FANCM: variants seen among roughly 807,000 people sequenced by gnomAD.
The protein encoded by FANCM is FA complementation group M.
Under a neutral mutation model 199.5 loss-of-function variants are expected in FANCM, and 140 were observed. The observed-to-expected ratio is 0.70, with a 90% CI of 0.61 to 0.81. FANCM has a LOEUF of 0.81. FANCM is among the 30% of genes least tolerant of loss of function. The pLI is 0.00. For synonymous variants in FANCM, 840 were observed against 836.8 expected, an observed-to-expected ratio of 1.00 and a Z score of -0.07; for missense variants, 2,410 against 2,421.4, an observed-to-expected ratio of 1.00 and a Z score of 0.10.
intron 11 of FANCM, among the ~76,000 whole-genome samples, chr14:45,168,784 TTA>T (rs1888146265): frequency 6.8e-6 from 1 of 147,906 alleles, no homozygotes; most frequent in Admixed American, 6.8e-5. Flanking sequence ...AGTATATATT[TTA>T]TATATATTAA....
intron 9 of FANCM, among the ~76,000 whole-genome samples, chr14:45,163,127 C>G (rs1887722927): frequency 6.6e-6 from 1 of 152,208 alleles, no homozygotes; most frequent in Non-Finnish European, 1.5e-5. Context: ...CACAATACAA[C>G]TAGCTTACAG....
Position 45,164,434 on chromosome 14 carries a change from G to C in FANCM, c.1657G>C (p.Gly553Arg). The C allele has an allele frequency of 1.2e-6, 2 of 1,613,564 alleles. No individual in the cohort carries two copies. Among genetic ancestry groups the C allele is most frequent in the Non-Finnish European group, 1.7e-6 (2 of 1,179,956 alleles). ...TCVGEEGLDI[G>R]EVDLIICFDS... is the part of the protein sequence containing the mutation. ...TGTGGGTGAAGAAGGTTTGGATATA[G>C]GAGAAGTTGATCTTATAATATGTTT... The change falls in exon 10 of 23, where the codon GGA becomes CGA. Residue 553 changes from glycine to arginine, a missense_variant. Coordinates refer to ENST00000267430, the MANE Select transcript of FANCM (RefSeq NM_020937.4).
At chr14:45,140,754 CT>C in intron 3 of FANCM, 45 bp downstream of exon 3, 5 of 1,272,592 alleles carry the variant, frequency 3.9e-6, no homozygotes, top group Non-Finnish European at 2.3e-6. Context: ...GAAAATAAAG[CT>C]TTTGGCCAGG....
In FANCM at chr14:45,159,080, T is replaced by A. The variant is rs752547104; in HGVS notation, c.1397-16T>A. 83 of 1,440,730 alleles carry A rather than the reference T, an allele frequency of 5.8e-5. No homozygotes were observed. The highest frequency in any genetic ancestry group is 4.3e-4 in the Middle Eastern group (2 of 4,646). 89.2% of individuals were successfully genotyped at this position (1,440,730 alleles called of 1,614,324 possible). A position where few individuals can be genotyped will look rare whatever the true frequency, so the allele number is the denominator to read the frequency against. ...TTGTAAAAAGTTGTAATTAAAGTTT[T>A]TATATATATATATAGCTGAAAACAC... On this transcript the variant is annotated splice_polypyrimidine_tract_variant and intron_variant, in intron 8 of 22. Transcript: ENST00000267430.
At chr14:45,159,334 T>C in intron 9 of FANCM, 54 bp downstream of exon 9, 1 of 1,363,260 alleles carries the variant, frequency 7.3e-7, no homozygotes, top group Non-Finnish European at 1.0e-6. Flanking sequence ...AGCTTTGCAC[T>C]TGTTCTTTTT....
Position 45,176,826 on chromosome 14 carries a change from C to G in FANCM, c.4072C>G (p.Leu1358Val). The change falls in exon 14 of 23, where the codon CTT becomes GTT. Residue 1358 changes from leucine (L) to valine (V), a missense_variant. Transcript: ENST00000267430. The stretch of plus-strand genomic sequence containing the variant: ...ATTTTCTAAGATAAGAAAGGAAATA[C>G]TTAAGACACCAGATTCTAGTAAGGA... ...NSFSKIRKEILKTPDSSKEKV... is the reference protein window; with the variant it reads ...NSFSKIRKEIVKTPDSSKEKV... 6.2e-7 allele frequency: 1 copy of G among 1,607,928 alleles called. No homozygotes were observed. The highest frequency in any genetic ancestry group is 1.7e-5 in the Admixed American group (1 of 59,352).
chr14:45,154,574 G>T (rs921021421), intron 6 of FANCM, 123 bp from the exon 7 acceptor site: 34 of 671,154 alleles, frequency 5.1e-5, no homozygotes, highest in Non-Finnish European at 7.6e-5. Context: ...AAAAGTTTCT[G>T]GTTTTCATGT....
rs776804525 is a variant in FANCM, at chr14:45,159,138, T to C, written c.1439T>C (p.Met480Thr). Residue 480 changes from methionine (M) to threonine (T), a missense_variant, in exon 9 of 23, where the codon ATG becomes ACG. Physicochemically the swap from Met to Thr is moderately conservative, Grantham distance 81. Transcript: ENST00000267430. Reference sequence around the variant, plus strand: ...AAGAAACGTGATGAGACCCGAGTTATGATCTTCTCTTCATTTCGAGATAGT... The same window carrying C: ...AAGAAACGTGATGAGACCCGAGTTACGATCTTCTCTTCATTTCGAGATAGT... ...TEKKRDETRV[M>T]IFSSFRDSVQ... The C allele has an allele frequency of 2.5e-6, 4 of 1,612,740 alleles. No homozygotes were observed. In the South Asian group the frequency reaches 3.3e-5, roughly 13 times the overall value.
At chr14:45,197,294 G>T (rs6572296) in intron 21 of FANCM, among the ~76,000 whole-genome samples, 32,919 of 152,026 alleles carry the variant, frequency 0.22, 5,114 homozygotes, top group African/African-American at 0.44. Flanking sequence ...CTAAGTAAAA[G>T]CATGTAGGTG....
In FANCM at chr14:45,175,762, G is replaced by T. The variant is rs1359186684; in HGVS notation, c.3008G>T (p.Gly1003Val). The change falls in exon 14 of 23, where the codon GGA (glycine) becomes GTA (valine). Residue 1003 changes from glycine (G) to valine (V), a missense_variant. Transcript: ENST00000267430. ...FLSYSPPPLS[G>V]LSDLEYEIAK... is the part of the protein sequence containing the mutation. ...TCTTATTCTCCTCCGCCTCTCAGTGGACTCTCAGACTTGGAATATGAAATT... is the reference window on the plus strand; with the variant it reads ...TCTTATTCTCCTCCGCCTCTCAGTGTACTCTCAGACTTGGAATATGAAATT... 1.2e-6 allele frequency: 2 copies of T among 1,613,518 alleles called. No individual in the cohort carries two copies. Among genetic ancestry groups the T allele is most frequent in the Admixed American group, 1.7e-5 (1 of 59,990 alleles).
intron 12 of FANCM, among the ~76,000 whole-genome samples, chr14:45,172,655 T>C (rs1888414874): frequency 6.6e-6 from 1 of 152,190 alleles, no homozygotes; most frequent in African/African-American, 2.4e-5. Flanking sequence ...AAATTTGATG[T>C]TATTGTTTAT....
chr14:45,148,873 CAGATAG>C lies in FANCM; in HGVS notation c.799_804del (p.Ile267_Glu268del), dbSNP rs765696464. On this transcript the variant is annotated inframe_deletion, in exon 4 of 23. Coordinates refer to ENST00000267430, the MANE Select transcript of FANCM (RefSeq NM_020937.4). ...AGTTATTACTAACCTGCTAATTGGG[CAGATAG>C]AGCTTCGTTCTGAAGATTCTCCAGA... is the stretch of plus-strand genomic sequence containing the variant. 3 of 1,610,470 alleles carry C rather than the reference CAGATAG, an allele frequency of 1.9e-6. No homozygotes were observed. In the East Asian group the frequency reaches 6.7e-5, roughly 36 times the overall value.
At chr14:45,167,326 A>C (rs1481992552) in intron 11 of FANCM, 163 bp downstream of exon 11, 2 of 632,314 alleles carry the variant, frequency 3.2e-6, no homozygotes, top group East Asian at 2.8e-5. Context: ...TCATGTGGCA[A>C]ATGGAGAGAC....
chr14:45,175,555 C>T lies in FANCM; in HGVS notation c.2801C>T (p.Thr934Ile), dbSNP rs565454064. 11 of 1,613,186 alleles carry T rather than the reference C, an allele frequency of 6.8e-6. No homozygotes were observed. The South Asian group carries it at 9.9e-5, about 14-fold the overall frequency. The change falls in exon 14 of 23, where the codon ACT becomes ATT. Residue 934 changes from threonine to isoleucine, a missense_variant. By Grantham distance (89) the Thr-to-Ile change is moderately conservative. Coordinates refer to ENST00000267430, the MANE Select transcript of FANCM (RefSeq NM_020937.4). ...LTECQFTNKS[T>I]SSLAGNVLDS... ...GAGTGTCAGTTTACAAATAAATCCACTAGTTCACTTGCTGGAAATGTTTTA... is the reference window on the plus strand; with the variant it reads ...GAGTGTCAGTTTACAAATAAATCCATTAGTTCACTTGCTGGAAATGTTTTA...
chr14:45,151,359 T>C, intron 4 of FANCM, 38 bp from the exon 5 acceptor site: 2 of 1,596,384 alleles, frequency 1.3e-6, no homozygotes, highest in South Asian at 2.2e-5. Flanking sequence ...AAAAGGACTT[T>C]AGAGCAAGCT....
At chr14:45,157,264 T>A (rs1323363937) in intron 8 of FANCM, among the ~76,000 whole-genome samples, 2 of 152,204 alleles carry the variant, frequency 1.3e-5, no homozygotes, top group African/African-American at 4.8e-5. Flanking sequence ...GCTGCTGTTT[T>A]TACATATTTA....
At chr14:45,136,910 C>T (rs1172467174) in intron 1 of FANCM, among the ~76,000 whole-genome samples, 159 bp from the exon 2 acceptor site, 1 of 152,148 alleles carries the variant, frequency 6.6e-6, no homozygotes, top group Non-Finnish European at 1.5e-5. Flanking sequence ...GATATTTGGA[C>T]CACACCAGAA....
At chr14:45,143,314 C>T (rs1414301880) in intron 3 of FANCM, among the ~76,000 whole-genome samples, 1 of 151,936 alleles carries the variant, frequency 6.6e-6, no homozygotes, top group Non-Finnish European at 1.5e-5. Flanking sequence ...CTACAGGTGC[C>T]TGCCACCACA....
intron 11 of FANCM, 58 bp from the exon 12 acceptor site, chr14:45,170,530 GT>G (rs1888268769): frequency 1.0e-5 from 13 of 1,296,798 alleles, no homozygotes; most frequent in African/African-American, 1.5e-5. Context: ...GATATTGTGG[GT>G]TTTTTTGCTT....
Sources: gnomAD v4.1 joint callset for allele counts (sites outside exome capture counted in the v4.1 genomes callset) on GRCh38, gnomAD v4.1.1 for gene constraint, MANE v1.5 for transcripts, NCBI Gene and HGNC (gene_info 2026-07-23, HGNC 2026-07-21) for gene names.